The following NFATC2 variants were observed in gnomAD, a reference collection of about 807,000 sequenced individuals.
NFATC2 encodes nuclear factor of activated T-cells, cytoplasmic 2.
NFATC2 carries 22 observed loss-of-function variants against 87.3 expected under a neutral mutation model. The observed-to-expected ratio is 0.25, with a 90% CI of 0.18 to 0.36. NFATC2 has a LOEUF of 0.36. Among genes scored for constraint, NFATC2 ranks in the 10% least tolerant of loss-of-function variants. The pLI is 1.00. For missense variants in NFATC2, 1,149 were observed against 1,259.1 expected, an observed-to-expected ratio of 0.91 and a Z score of 1.32; for synonymous variants, 565 against 542.2, an observed-to-expected ratio of 1.04 and a Z score of -0.58.
chr20:51,448,829 G>T (rs1985420055), intron 6 of NFATC2, among the ~76,000 whole-genome samples: 1 of 152,130 alleles, frequency 6.6e-6, no homozygotes, highest in Non-Finnish European at 1.5e-5. Flanking sequence ...AGATCACACA[G>T]GCTCTTGAAA....
chr20:51,398,821 A>T, intron 9 of NFATC2, 91 bp from the exon 10 acceptor site: 1 of 889,756 alleles, frequency 1.1e-6, no homozygotes, highest in Admixed American at 1.9e-5. Context: ...GATATCATCC[A>T]AGCCCAGGAG....
chr20:51,481,402 A>C (rs946255772), intron 3 of NFATC2, among the ~76,000 whole-genome samples: 6 of 150,428 alleles, frequency 4.0e-5, no homozygotes, highest in African/African-American at 1.5e-4. Context: ...GCCGGATCAC[A>C]CTCCAGGCAC....
At chr20:51,461,788 A>C (rs188396439) in intron 5 of NFATC2, among the ~76,000 whole-genome samples, 3 of 152,304 alleles carry the variant, frequency 2.0e-5, no homozygotes. Flanking sequence ...TGGTTAGAGA[A>C]ATTCGCTCCT....
intron 3 of NFATC2, among the ~76,000 whole-genome samples, chr20:51,488,217 C>T (rs1230478552): frequency 6.6e-6 from 1 of 152,198 alleles, no homozygotes; most frequent in Non-Finnish European, 1.5e-5. Context: ...GGCTGTCCTT[C>T]AGGATTATTA....
At chr20:51,493,069 A>G (rs1027110332) in intron 3 of NFATC2, among the ~76,000 whole-genome samples, 5 of 152,236 alleles carry the variant, frequency 3.3e-5, no homozygotes, top group Non-Finnish European at 7.3e-5. Context: ...CAGTTTTGCC[A>G]TCAGGAAACC....
chr20:51,542,753 G>GA (rs1218044101), upstream of NFATC2: 892 of 567,112 alleles, frequency 1.6e-3, 41 homozygotes, highest in South Asian at 6.0e-3. Context: ...GGGAGGCGGG[G>GA]GGGGGGGGGG....
intron 3 of NFATC2, among the ~76,000 whole-genome samples, chr20:51,511,903 A>T (rs988929944): frequency 6.6e-6 from 1 of 152,168 alleles, no homozygotes; most frequent in African/African-American, 2.4e-5. Flanking sequence ...GCAAAATTTC[A>T]TCTCCTCACC....
chr20:51,437,207 T>C (rs898342724), intron 6 of NFATC2, among the ~76,000 whole-genome samples: 2 of 151,684 alleles, frequency 1.3e-5, no homozygotes, highest in African/African-American at 4.9e-5. Flanking sequence ...CTGAAACAAA[T>C]AATTTCAACA....
intron 5 of NFATC2, among the ~76,000 whole-genome samples, chr20:51,472,213 C>T (rs1484646084): frequency 6.6e-6 from 1 of 152,212 alleles, no homozygotes; most frequent in East Asian, 1.9e-4. Context: ...CAAGATCGCA[C>T]CACGGCACTC....
intron 6 of NFATC2, among the ~76,000 whole-genome samples, chr20:51,445,269 C>A (rs1403401341): frequency 6.6e-6 from 1 of 152,142 alleles, no homozygotes; most frequent in Non-Finnish European, 1.5e-5. Context: ...GCTTCCCATT[C>A]CTCAAATGCC....
chr20:51,503,571 C>T (rs1413979220), intron 3 of NFATC2, among the ~76,000 whole-genome samples: 1 of 152,152 alleles, frequency 6.6e-6, no homozygotes, highest in African/African-American at 2.4e-5. Context: ...CCACTAGGCT[C>T]CCCAGGTTCT....
chr20:51,406,921 C>A (rs75605959), intron 9 of NFATC2, among the ~76,000 whole-genome samples: 1 of 152,200 alleles, frequency 6.6e-6, no homozygotes, highest in African/African-American at 2.4e-5. Context: ...TTGACTCTCC[C>A]TAGCTGCCTG....
In NFATC2 at chr20:51,484,426, G is replaced by C. The variant is rs183639363; in HGVS notation, c.1333-8766C>G. 5.6e-4 allele frequency among the ~76,000 whole-genome samples: 86 copies of C among 152,258 alleles called. 1 individual carries two copies. Among genetic ancestry groups the C allele is most frequent in the Non-Finnish European group, 3.8e-4 (26 of 68,022 alleles). The stretch of plus-strand genomic sequence containing the variant: ...CTGACCCCACATGTGATAGTTATTT[G>C]CTCTTTGCTGCCTCCCCACTAGAAT... On this transcript the variant is annotated intron_variant, in intron 3 of 10. Transcript: ENST00000371564.
intron 1 of NFATC2, among the ~76,000 whole-genome samples, chr20:51,530,446 G>T (rs1404217730): frequency 6.6e-6 from 1 of 152,150 alleles, no homozygotes; most frequent in East Asian, 1.9e-4. Context: ...TGGGATTACA[G>T]GCATTAGCCA....
At chr20:51,517,919 A>AG (rs2076380520) in intron 2 of NFATC2, among the ~76,000 whole-genome samples, 1 of 151,828 alleles carries the variant, frequency 6.6e-6, no homozygotes, top group Admixed American at 6.6e-5. Flanking sequence ...TCTCAAAAAA[A>AG]AAAAAAAACA....
At chr20:51,400,630 T>C (rs1012341778) in intron 9 of NFATC2, among the ~76,000 whole-genome samples, 1 of 152,172 alleles carries the variant, frequency 6.6e-6, no homozygotes, top group African/African-American at 2.4e-5. Context: ...TGTCAGCTTC[T>C]TTGTGGAAGA....
intron 1 of NFATC2, among the ~76,000 whole-genome samples, chr20:51,529,915 T>C (rs976913809): frequency 2.6e-5 from 4 of 152,186 alleles, no homozygotes; most frequent in Non-Finnish European, 5.9e-5. Context: ...TGAGGCTTTA[T>C]ACAGCCCCGC....
intron 1 of NFATC2, among the ~76,000 whole-genome samples, chr20:51,553,914 G>A (rs1031205465): frequency 2.0e-5 from 3 of 152,032 alleles, no homozygotes; most frequent in Admixed American, 6.6e-5. Context: ...ACCTGTCACC[G>A]TCGGCCCACT....
At chr20:51,546,538 G>C (rs2076891081), upstream of NFATC2, among the ~76,000 whole-genome samples, 1 of 152,196 alleles carries the variant, frequency 6.6e-6, no homozygotes, top group Non-Finnish European at 1.5e-5. Flanking sequence ...TCTATCCTGT[G>C]TCTGACCTCC....
Sources: gnomAD v4.1 joint callset for allele counts (sites outside exome capture counted in the v4.1 genomes callset) on GRCh38, gnomAD v4.1.1 for gene constraint, MANE v1.5 for transcripts, NCBI Gene and HGNC (gene_info 2026-07-23, HGNC 2026-07-21) for gene names.